The following SLC14A2 variants were observed in gnomAD, a reference collection of about 807,000 sequenced individuals.
The protein encoded by SLC14A2 is urea transporter 2.
In SLC14A2, 91 loss-of-function variants were observed where a neutral mutation model predicts 104.6. That is an observed-to-expected ratio of 0.87 (90% CI 0.73 to 1.04). SLC14A2 has a LOEUF of 1.04. SLC14A2 is among the 50% of genes least tolerant of loss of function. The pLI is 0.00. For missense variants in SLC14A2, 1,189 were observed against 1,156.0 expected (o/e 1.03, Z -0.41); for synonymous variants, 476 against 466.4 (o/e 1.02, Z -0.27).
At chr18:45,410,556 A>G (rs2086204062) in intron 1 of SLC14A2, among the ~76,000 whole-genome samples, 1 of 152,154 alleles carries the variant, frequency 6.6e-6, no homozygotes, top group Non-Finnish European at 1.5e-5. Context: ...TTTATTGGGC[A>G]CTCACTACAG....
intron 16 of SLC14A2, among the ~76,000 whole-genome samples, chr18:45,671,432 T>C (rs757676361): frequency 1.3e-5 from 2 of 152,164 alleles, no homozygotes; most frequent in African/African-American, 4.8e-5. Flanking sequence ...TTCTGATAAA[T>C]AAGTGGTGAA....
At chr18:45,665,881 C>T (rs1341055466) in intron 11 of SLC14A2, among the ~76,000 whole-genome samples, 3 of 151,684 alleles carry the variant, frequency 2.0e-5, no homozygotes, top group Non-Finnish European at 2.9e-5. Flanking sequence ...CTCTGAGCTC[C>T]CTAAATTCCT....
intron 2 of SLC14A2, among the ~76,000 whole-genome samples, chr18:45,607,186 G>A (rs1420262156): frequency 6.6e-6 from 1 of 152,112 alleles, no homozygotes; most frequent in Non-Finnish European, 1.5e-5. Flanking sequence ...AGAGGGTTTG[G>A]TATGTAATTC....
chr18:45,561,790 A>G (rs1192532067), intron 2 of SLC14A2, among the ~76,000 whole-genome samples: 1 of 152,202 alleles, frequency 6.6e-6, no homozygotes, highest in Non-Finnish European at 1.5e-5. Context: ...AACACTATAT[A>G]GTATTTGTCG....
intron 2 of SLC14A2, among the ~76,000 whole-genome samples, chr18:45,558,206 C>T (rs972647924): frequency 1.3e-5 from 2 of 152,146 alleles, no homozygotes; most frequent in African/African-American, 4.8e-5. Context: ...CTTCCAAATC[C>T]CATCTGTCCT....
chr18:45,432,302 G>A (rs73953196), intron 1 of SLC14A2, among the ~76,000 whole-genome samples: 2,372 of 152,252 alleles, frequency 0.016, 60 homozygotes, highest in African/African-American at 0.054. Context: ...AGGGGCAGGC[G>A]GGACCCAGGT....
the SLC14A2 span, among the ~76,000 whole-genome samples, chr18:45,173,045 G>A: frequency 6.6e-6 from 1 of 151,996 alleles, no homozygotes; most frequent in South Asian, 2.1e-4. Context: ...CTTTTAAAGG[G>A]GTAAAAATGG....
chr18:45,462,910 T>C (rs2087071315), intron 1 of SLC14A2, among the ~76,000 whole-genome samples: 2 of 152,350 alleles, frequency 1.3e-5, no homozygotes, highest in East Asian at 3.9e-4. Context: ...ACTCAATATA[T>C]GGCCTCTATT....
At chr18:45,289,146 G>C (rs561405072) in intron 1 of SLC14A2, among the ~76,000 whole-genome samples, 1 of 152,140 alleles carries the variant, frequency 6.6e-6, no homozygotes, top group Non-Finnish European at 1.5e-5. Flanking sequence ...CAGGGGCTGG[G>C]TATGCTGCCC....
intron 1 of SLC14A2, among the ~76,000 whole-genome samples, chr18:45,437,690 C>A (rs888556595): frequency 6.6e-6 from 1 of 152,212 alleles, no homozygotes. Context: ...TGCCTAAGCT[C>A]CAATCTCAGC....
intron 2 of SLC14A2, among the ~76,000 whole-genome samples, chr18:45,541,195 A>C (rs11876233): frequency 0.028 from 4,208 of 152,220 alleles, 191 homozygotes; most frequent in African/African-American, 0.094. Context: ...CACTCCCATG[A>C]TTCAGCCATA....
intron 1 of SLC14A2, among the ~76,000 whole-genome samples, chr18:45,340,855 TAAGGGTG>T (rs2085386203): frequency 6.6e-6 from 1 of 152,122 alleles, no homozygotes; most frequent in African/African-American, 2.4e-5. Context: ...ACAGCATGGG[TAAGGGTG>T]AAGCCACCCT....
intron 10 of SLC14A2, among the ~76,000 whole-genome samples, chr18:45,649,475 T>A (rs556643520): frequency 9.2e-5 from 14 of 152,362 alleles, no homozygotes; most frequent in African/African-American, 3.1e-4. Flanking sequence ...CCCTACATCA[T>A]ACATTCCCAG....
At position 45,591,567 on chromosome 18, in the gene SLC14A2, C is replaced by A. The variant is rs1043447138; in HGVS notation, c.-34-33064C>A. 3.3e-5 allele frequency among the ~76,000 whole-genome samples: 5 copies of A among 152,238 alleles called. No homozygotes were observed. In the South Asian group the frequency reaches 8.3e-4, roughly 25 times the overall value. On this transcript the variant is annotated intron_variant, in intron 2 of 20. Coordinates refer to the SLC14A2 transcript ENST00000586448. ...GGCCAGGCTGGTCTTGAACTCCTGA[C>A]CTCGTGATCCACCCACCTCGGCCTC...
intron 1 of SLC14A2, among the ~76,000 whole-genome samples, chr18:45,350,078 C>A (rs1033062545): frequency 3.9e-5 from 6 of 152,194 alleles, no homozygotes; most frequent in African/African-American, 1.4e-4. Context: ...TTTGGGTCAA[C>A]AAAGACAAAA....
chr18:45,440,060 C>T (rs963648149), intron 1 of SLC14A2, among the ~76,000 whole-genome samples: 11 of 152,106 alleles, frequency 7.2e-5, no homozygotes, highest in South Asian at 4.2e-4. Context: ...TGTGGTTCAC[C>T]GGAAGCTAAA....
At chr18:45,176,703 C>T in the SLC14A2 span, among the ~76,000 whole-genome samples, 1 of 152,202 alleles carries the variant, frequency 6.6e-6, no homozygotes, top group Non-Finnish European at 1.5e-5. Flanking sequence ...CTGATTTTCT[C>T]TCTGCATTGT....
At chr18:45,494,257 A>G (rs551457750) in intron 2 of SLC14A2, among the ~76,000 whole-genome samples, 1 of 152,316 alleles carries the variant, frequency 6.6e-6, no homozygotes, top group South Asian at 2.1e-4. Context: ...ATTAGTGCCT[A>G]CTGTACATTC....
intron 1 of SLC14A2, among the ~76,000 whole-genome samples, chr18:45,321,298 G>T (rs1194548809): frequency 6.6e-6 from 1 of 152,216 alleles, no homozygotes; most frequent in Non-Finnish European, 1.5e-5. Flanking sequence ...GGGACCATAT[G>T]ATCTCAGAAC....
Sources: allele counts gnomAD v4.1 joint callset (sites outside exome capture counted in the v4.1 genomes callset), GRCh38; gene constraint gnomAD v4.1.1; transcripts MANE v1.5; gene names NCBI Gene and HGNC (gene_info 2026-07-23, HGNC 2026-07-21).